DGKG: variants seen among roughly 807,000 people sequenced by gnomAD.
The protein encoded by DGKG is DAG kinase gamma.
In DGKG, 78 loss-of-function variants were observed where a neutral mutation model predicts 105.3. The observed-to-expected ratio is 0.74, with a 90% CI of 0.62 to 0.89. The LOEUF (loss-of-function observed/expected upper bound fraction) is 0.89. DGKG is among the 40% of genes least tolerant of loss of function. The pLI is 0.00. For missense variants in DGKG, 958 were observed against 1,020.1 expected (o/e 0.94, Z 0.83); for synonymous variants, 346 against 367.1 (o/e 0.94, Z 0.66).
In DGKG at chr3:186,284,017, C is replaced by T. The variant is rs890490974; in HGVS notation, c.594+643G>A. On this transcript the variant is annotated intron_variant, in intron 7 of 24. Transcript: ENST00000265022. This position sits in a 1 kb window ranked among gnomAD's most constrained non-coding sequence, Gnocchi z 4.0. ...TTTGCCTTCTTCTCTTTCCATTCTT[C>T]CTTTTACTCCACGAGCCTTGATCGA... 4.6e-5 allele frequency among the ~76,000 whole-genome samples: 7 copies of T among 152,168 alleles called. No individual in the cohort carries two copies. The highest frequency in any genetic ancestry group is 1.7e-4 in the African/African-American group (7 of 41,438).
intron 21 of DGKG, among the ~76,000 whole-genome samples, chr3:186,201,260 G>A (rs1054761671): frequency 6.6e-6 from 1 of 152,084 alleles, no homozygotes; most frequent in Non-Finnish European, 1.5e-5. Flanking sequence ...TGGAGTGGAT[G>A]GGGCTTTTTG....
intron 1 of DGKG, among the ~76,000 whole-genome samples, chr3:186,336,699 A>G (rs1289966209): frequency 2.0e-5 from 3 of 152,164 alleles, no homozygotes; most frequent in African/African-American, 7.2e-5. Flanking sequence ...TGAAAAATCT[A>G]ATAAAATAGG....
intron 14 of DGKG, among the ~76,000 whole-genome samples, chr3:186,263,766 G>T (rs1376618810): frequency 6.6e-6 from 1 of 151,740 alleles, no homozygotes; most frequent in Non-Finnish European, 1.5e-5. Context: ...GGACCCTATA[G>T]CACCAGACAC....
chr3:186,267,762 C>G lies in DGKG; in HGVS notation c.1132G>C (p.Glu378Gln). The change falls in exon 13 of 25, where the codon GAA (glutamate) becomes CAA (glutamine). Residue 378 changes from glutamate (E) to glutamine (Q), a missense_variant. Around this residue, in one of 2 missense-constraint regions of DGKG, gnomAD observed 643 missense variants for 619.5 expected, o/e 1.04. Transcript: ENST00000265022. ...WCRMTFHRKCELSTLCDGGEL... is the reference protein window; with the variant it reads ...WCRMTFHRKCQLSTLCDGGEL... Reference sequence around the variant, plus strand: ...CCACCGTCACACAACGTTGATAATTCACATTTGCGGTGAAACTGGGGGGAG... The same window carrying G: ...CCACCGTCACACAACGTTGATAATTGACATTTGCGGTGAAACTGGGGGGAG... The G allele has an allele frequency of 6.2e-7, 1 of 1,613,924 alleles. No individual in the cohort carries two copies. The highest frequency in any genetic ancestry group is 8.5e-7 in the Non-Finnish European group (1 of 1,179,888).
chr3:186,211,991 C>A, intron 20 of DGKG, 106 bp from the exon 21 acceptor site: 1 of 831,062 alleles, frequency 1.2e-6, no homozygotes, highest in Non-Finnish European at 2.0e-6. Flanking sequence ...GCAATTTCCC[C>A]AATCTTACAT....
chr3:186,188,879 A>G (rs1320708937), intron 21 of DGKG, among the ~76,000 whole-genome samples: 1 of 152,106 alleles, frequency 6.6e-6, no homozygotes, highest in African/African-American at 2.4e-5. Flanking sequence ...CAGTGGCACA[A>G]TCTCGGCTCA....
At chr3:186,317,138 C>T (rs1218750070) in intron 2 of DGKG, among the ~76,000 whole-genome samples, 1 of 152,244 alleles carries the variant, frequency 6.6e-6, no homozygotes, top group African/African-American at 2.4e-5. Context: ...CCTCCGCCTG[C>T]TCAGCGGCTT....
At chr3:186,218,269 C>T (rs1022135836) in intron 20 of DGKG, among the ~76,000 whole-genome samples, 10 of 152,020 alleles carry the variant, frequency 6.6e-5, no homozygotes, top group African/African-American at 2.2e-4. Flanking sequence ...CTTTGGGAGG[C>T]TGAGGCGGGT....
At chr3:186,314,263 TTTTG>T (rs1458718051) in intron 2 of DGKG, among the ~76,000 whole-genome samples, 1 of 151,800 alleles carries the variant, frequency 6.6e-6, no homozygotes, top group Admixed American at 6.6e-5. Context: ...AGTGGGTACT[TTTTG>T]TTTAATTTGT....
chr3:186,169,464 A>C (rs748015584), intron 22 of DGKG, among the ~76,000 whole-genome samples: 6 of 152,342 alleles, frequency 3.9e-5, no homozygotes, highest in Non-Finnish European at 7.3e-5. Context: ...ACTGCTCTTC[A>C]CAGTTATAAA....
intron 1 of DGKG, among the ~76,000 whole-genome samples, chr3:186,336,646 A>C (rs1176604187): frequency 6.6e-6 from 1 of 152,192 alleles, no homozygotes; most frequent in Non-Finnish European, 1.5e-5. Flanking sequence ...AAAACTGGAC[A>C]GTTTTGGTTA....
intron 2 of DGKG, among the ~76,000 whole-genome samples, chr3:186,315,480 G>T (rs77237239): frequency 0.032 from 4,839 of 152,192 alleles, 254 homozygotes; most frequent in African/African-American, 0.11. Flanking sequence ...GTTCCAGGTT[G>T]TCCATGTCCA....
chr3:186,323,193 C>G (rs1227750426), intron 1 of DGKG, among the ~76,000 whole-genome samples: 1 of 152,162 alleles, frequency 6.6e-6, no homozygotes, highest in Non-Finnish European at 1.5e-5. Flanking sequence ...TCATGATACA[C>G]AAAGCTCTTT....
chr3:186,260,380 T>G lies in DGKG; in HGVS notation c.1424+59A>C. ...AAAAAAAGGTGACAAAAGAGGCATC[T>G]TCATTGGAGTTTAAAAGGGAGGGGG... On this transcript the variant is annotated intron_variant, in intron 16 of 24. Coordinates refer to ENST00000265022, the MANE Select transcript of DGKG (RefSeq NM_001346.3). 3.2e-6 allele frequency: 4 copies of G among 1,262,778 alleles called. No homozygotes were observed. In the South Asian group the frequency reaches 5.0e-5, roughly 16 times the overall value. The allele number at this position is 1,262,778 out of a possible 1,614,324, so 78.2% of individuals were successfully genotyped here. A position where few individuals can be genotyped will look rare whatever the true frequency, so the allele number is the denominator to read the frequency against.
intron 24 of DGKG, chr3:186,161,026 A>G: frequency 1.0e-6 from 1 of 986,304 alleles, no homozygotes; most frequent in Non-Finnish European, 1.2e-6. Context: ...GCCATAAACA[A>G]AATAGATAAC....
intron 1 of DGKG, among the ~76,000 whole-genome samples, chr3:186,338,169 C>CAAAAAAAAAAAAAAA (rs34436386): frequency 1.3e-5 from 1 of 75,842 alleles, no homozygotes; most frequent in African/African-American, 4.5e-5. Context: ...GACCCTATCT[C>CAAAAAAAAAAAAAAA]AAAAAAAAAA....
chr3:186,247,522 G>C (rs547445246), intron 19 of DGKG, among the ~76,000 whole-genome samples: 2 of 152,262 alleles, frequency 1.3e-5, no homozygotes, highest in East Asian at 3.9e-4. Flanking sequence ...AAACTTCCTC[G>C]GTTTACATAC....
intron 6 of DGKG, among the ~76,000 whole-genome samples, chr3:186,285,675 C>G (rs918969903): frequency 8.2e-5 from 10 of 122,592 alleles, no homozygotes; most frequent in Admixed American, 4.7e-4. Flanking sequence ...TTCTTTCTTT[C>G]TTTCTTTTTT....
At position 186,202,079 on chromosome 3, in the gene DGKG, G is replaced by A. The variant is rs866805903; in HGVS notation, c.1917+9716C>T. ...TTGGGAGTACTTACTTGTTTTATGA[G>A]ATGCAGTTTCCTTGGGTAAATAATG... On this transcript the variant is annotated intron_variant, in intron 21 of 24. Transcript: ENST00000265022. Among the ~76,000 whole-genome samples, 11 of 152,322 alleles carry A rather than the reference G, an allele frequency of 7.2e-5. No homozygotes were observed. In the Middle Eastern group the frequency reaches 0.01, roughly 141 times the overall value.
Sources: gnomAD v4.1 joint callset for allele counts (sites outside exome capture counted in the v4.1 genomes callset) on GRCh38, gnomAD v4.1.1 for gene constraint, gnomAD v4.1.1 regional missense constraint, Gnocchi (gnomAD v3.1) non-coding constraint, MANE v1.5 for transcripts, NCBI Gene and HGNC (gene_info 2026-07-23, HGNC 2026-07-21) for gene names.